The following GPRC5D variants were observed in gnomAD, a reference collection of about 807,000 sequenced individuals.
GPRC5D encodes G protein-coupled receptor family C group 5 member D.
GPRC5D carries 20 observed loss-of-function variants against 29.3 expected under a neutral mutation model. That is an observed-to-expected ratio of 0.68 (90% CI 0.48 to 0.99). The LOEUF (loss-of-function observed/expected upper bound fraction) is 0.99, where lower values mean the gene tolerates loss of function less well. GPRC5D is among the 50% of genes least tolerant of loss of function. The pLI is 0.00. For missense variants in GPRC5D, 384 were observed against 423.6 expected, an observed-to-expected ratio of 0.91 and a Z score of 0.82; for synonymous variants, 178 against 171.3, an observed-to-expected ratio of 1.04 and a Z score of -0.30.
chr12:12,949,368 C>A, intron 1 of GPRC5D, 122 bp downstream of exon 2: 1 of 797,736 alleles, frequency 1.3e-6, no homozygotes, highest in Admixed American at 2.4e-5. Context: ...AACTATGAAG[C>A]CACCCACCCC....
chr12:12,946,307 C>T (rs56066769), intron 1 of GPRC5D, among the ~76,000 whole-genome samples: 441 of 22,970 alleles, frequency 0.019, 4 homozygotes, highest in African/African-American at 0.031. Flanking sequence ...TTCCTTCCTT[C>T]CTTTTCTTTC....
rs1443856170 is a variant in GPRC5D at position 12,942,169 on chromosome 12, C to A, written c.963+92G>T. 19 of 839,210 alleles carry A rather than the reference C, an allele frequency of 2.3e-5. No individual in the cohort carries two copies. The East Asian group carries it at 3.2e-4, about 14-fold the overall frequency. The allele number at this position is 839,210 out of a possible 1,614,324, so 52.0% of individuals were successfully genotyped here. On this transcript the variant is annotated intron_variant, in intron 2 of 2. Transcript: ENST00000228887. ...CTGCTCTGTCTCTCCTCTCTCAGGT[C>A]AGTAAAGCCATTAGAAATGAAGCCT...
intron 1 of GPRC5D, chr12:12,947,268 A>T (rs1449324974): frequency 2.6e-5 from 4 of 152,312 alleles, no homozygotes; most frequent in African/African-American, 9.6e-5. Context: ...TCAGCTCATG[A>T]CCTACCATAA....
chr12:12,947,466 A>G (rs1434264965), intron 1 of GPRC5D, among the ~76,000 whole-genome samples: 1 of 151,980 alleles, frequency 6.6e-6, no homozygotes, highest in African/African-American at 2.4e-5. Flanking sequence ...TCTGAGCTTA[A>G]GCTTCTGGTT....
rs977400559 is a variant in GPRC5D, at chr12:12,947,507, CCCTT to C, written c.895+1979_895+1982del. On this transcript the variant is annotated intron_variant, in intron 1 of 2. Coordinates refer to ENST00000228887, the Ensembl canonical transcript of GPRC5D. ...GCCCAATCTTGGAGGGCAATTCCTTCCCTTCCTTCCTTCCTTTCTTCCTTCCTTC... is the reference window on the plus strand; with the variant it reads ...GCCCAATCTTGGAGGGCAATTCCTTCCCTTCCTTCCTTTCTTCCTTCCTTC... Among the ~76,000 whole-genome samples the C allele has an allele frequency of 1.2e-4, 18 of 151,992 alleles. No homozygotes were observed. The East Asian group carries it at 2.5e-3, about 21-fold the overall frequency.
intron 2 of GPRC5D, 94 bp downstream of exon 3, chr12:12,942,167 G>T: frequency 2.4e-6 from 2 of 831,698 alleles, no homozygotes; most frequent in Non-Finnish European, 4.1e-6. Context: ...CCTCTCTCAG[G>T]TCAGTAAAGC....
chr12:12,945,554 T>C (rs1328306209), intron 1 of GPRC5D, among the ~76,000 whole-genome samples: 1 of 152,144 alleles, frequency 6.6e-6, no homozygotes, highest in African/African-American at 2.4e-5. Context: ...AGAGAAATAT[T>C]CCAAAATTTA....
chr12:12,951,331 T>G (rs1863490917), upstream of GPRC5D, among the ~76,000 whole-genome samples: 1 of 152,238 alleles, frequency 6.6e-6, no homozygotes, highest in African/African-American at 2.4e-5. Context: ...AGTTACATTT[T>G]GTTTGACTCC....
intron 1 of GPRC5D, among the ~76,000 whole-genome samples, chr12:12,944,863 T>A (rs1212478515): frequency 1.0e-5 from 1 of 98,468 alleles, no homozygotes; most frequent in African/African-American, 3.5e-5. Flanking sequence ...CTTTCTTTCT[T>A]TCTTTCTTTC....
At chr12:12,948,855 T>C (rs2136503529) in intron 1 of GPRC5D, among the ~76,000 whole-genome samples, 1 of 152,346 alleles carries the variant, frequency 6.6e-6, no homozygotes, top group Non-Finnish European at 1.5e-5. Flanking sequence ...TTTCTCCTAA[T>C]GATCACACAT....
chr12:12,941,759 T>C (rs1479697290), intron 2 of GPRC5D, among the ~76,000 whole-genome samples: 1 of 152,208 alleles, frequency 6.6e-6, no homozygotes, highest in Non-Finnish European at 1.5e-5. Flanking sequence ...AATTTGTTCA[T>C]CCATCTGGGC....
At chr12:12,950,401 G>T, upstream of GPRC5D, 1 of 1,555,396 alleles carries the variant, frequency 6.4e-7, no homozygotes, top group Non-Finnish European at 8.7e-7. Flanking sequence ...TTATGGGTGT[G>T]GACCTCACCA....
chr12:12,947,646 C>A (rs932943706), intron 1 of GPRC5D, among the ~76,000 whole-genome samples: 3 of 151,854 alleles, frequency 2.0e-5, no homozygotes, highest in Non-Finnish European at 4.4e-5. Context: ...CTCCCCGCAG[C>A]CTCAACCTCC....
At chr12:12,944,861 C>CTTT (rs1365140700) in intron 1 of GPRC5D, among the ~76,000 whole-genome samples, 1 of 95,134 alleles carries the variant, frequency 1.1e-5, no homozygotes, top group Non-Finnish European at 2.1e-5. Flanking sequence ...TTCTTTCTTT[C>CTTT]TTTCTTTCTT....
At chr12:12,941,487 C>A (rs573008210) in intron 2 of GPRC5D, among the ~76,000 whole-genome samples, 1 of 152,288 alleles carries the variant, frequency 6.6e-6, no homozygotes, top group African/African-American at 2.4e-5. Flanking sequence ...ATGTGTCATT[C>A]TAGGAAAAGG....
chr12:12,950,376 C>T, exon 1 of GPRC5D: 1 of 1,599,918 alleles, frequency 6.3e-7, no homozygotes, highest in South Asian at 1.1e-5. Flanking sequence ...CGATGCAGTC[C>T]TTGTACATGG....
At chr12:12,944,798 TTCCCTTCCTTCCTTCCTTCCTTCC>T (rs1863238735) in intron 1 of GPRC5D, among the ~76,000 whole-genome samples, 14 of 29,526 alleles carry the variant, frequency 4.7e-4, no homozygotes, top group African/African-American at 9.5e-4. Context: ...CCTTCCTTCC[TTCCCTTCCTTCCTTCCTTCCTTCC>T]TTCCTTCCTT....
intron 1 of GPRC5D, among the ~76,000 whole-genome samples, chr12:12,944,920 C>A (rs1374347046): frequency 1.9e-5 from 2 of 107,340 alleles, no homozygotes; most frequent in Non-Finnish European, 3.9e-5. Context: ...CCTTTCTTTC[C>A]CTTTCTTCCT....
At chr12:12,945,797 G>C (rs1863300345) in intron 1 of GPRC5D, among the ~76,000 whole-genome samples, 1 of 152,150 alleles carries the variant, frequency 6.6e-6, no homozygotes, top group African/African-American at 2.4e-5. Context: ...TGCTGAGCAT[G>C]TTAAATTTCA....
Sources: allele counts gnomAD v4.1 joint callset (sites outside exome capture counted in the v4.1 genomes callset), GRCh38; gene constraint gnomAD v4.1.1; transcripts MANE v1.5; gene names NCBI Gene and HGNC (gene_info 2026-07-23, HGNC 2026-07-21).